TENM2: variants seen among roughly 807,000 people sequenced by gnomAD.
TENM2 encodes teneurin transmembrane protein 2, also known as teneurin-2.
TENM2 carries 52 observed loss-of-function variants against 245.2 expected under a neutral mutation model. The observed-to-expected ratio is 0.21, with a 90% CI of 0.17 to 0.27. The LOEUF (loss-of-function observed/expected upper bound fraction) is 0.27. Ranked by LOEUF, TENM2 falls within the 10% of genes least tolerant of loss-of-function variation. TENM2 has a pLI of 1.00. For synonymous variants in TENM2, 1,363 were observed against 1,438.9 expected, an observed-to-expected ratio of 0.95 and a Z score of 1.19; for missense variants, 3,046 against 3,666.8, an observed-to-expected ratio of 0.83 and a Z score of 4.37.
intron 2 of TENM2, among the ~76,000 whole-genome samples, chr5:167,677,537 T>C (rs1283432205): frequency 6.6e-6 from 1 of 151,906 alleles, no homozygotes; most frequent in East Asian, 1.9e-4. Context: ...TTATGGCATG[T>C]ATTCTGTGTA....
intron 25 of TENM2, among the ~76,000 whole-genome samples, chr5:168,233,724 C>T (rs1196875549): frequency 6.6e-5 from 10 of 152,154 alleles, no homozygotes; most frequent in Admixed American, 5.9e-4. Context: ...ATACCCAAGA[C>T]TGGGAAGAAA....
At chr5:167,080,955 T>C in the TENM2 span, among the ~76,000 whole-genome samples, 1 of 152,082 alleles carries the variant, frequency 6.6e-6, no homozygotes, top group Non-Finnish European at 1.5e-5. Flanking sequence ...GGAGCATTTG[T>C]ATTTTCCTAT....
intron 3 of TENM2, among the ~76,000 whole-genome samples, chr5:167,887,738 G>C (rs1774403520): frequency 6.6e-6 from 1 of 152,224 alleles, no homozygotes; most frequent in Non-Finnish European, 1.5e-5. Flanking sequence ...CATGCGCTTA[G>C]TGTATGGATT....
chr5:167,090,856 A>G, the TENM2 span, among the ~76,000 whole-genome samples: 14 of 146,788 alleles, frequency 9.5e-5, no homozygotes, highest in Admixed American at 9.4e-4. Context: ...TCTAAAATGT[A>G]TATTGGCATT....
At chr5:168,195,909 T>C (rs13180204) in intron 15 of TENM2, among the ~76,000 whole-genome samples, 13,139 of 152,124 alleles carry the variant, frequency 0.086, 700 homozygotes, top group Middle Eastern at 0.14. Flanking sequence ...TCAGCCTCCA[T>C]CAAGATGAAA....
chr5:167,039,614 CA>C, the TENM2 span, among the ~76,000 whole-genome samples: 2 of 150,490 alleles, frequency 1.3e-5, no homozygotes, highest in Admixed American at 6.6e-5. Flanking sequence ...TGTCAATTAA[CA>C]AAAAAAAATG....
chr5:167,115,884 G>A, the TENM2 span, among the ~76,000 whole-genome samples: 3 of 152,124 alleles, frequency 2.0e-5, no homozygotes, highest in Non-Finnish European at 4.4e-5. Flanking sequence ...GACCCTCTAC[G>A]TTTGAAGCCT....
intron 2 of TENM2, among the ~76,000 whole-genome samples, chr5:167,532,322 T>C (rs987875812): frequency 6.6e-6 from 1 of 151,986 alleles, no homozygotes; most frequent in Non-Finnish European, 1.5e-5. Context: ...TATATATATA[T>C]GTATATAAAA....
chr5:167,192,540 C>T, the TENM2 span, among the ~76,000 whole-genome samples: 2 of 151,982 alleles, frequency 1.3e-5, no homozygotes, highest in Non-Finnish European at 2.9e-5. Context: ...TGTAGGATGC[C>T]ATTGTACAAG....
the TENM2 span, among the ~76,000 whole-genome samples, chr5:167,223,898 T>C: frequency 1.3e-5 from 2 of 152,164 alleles, no homozygotes; most frequent in African/African-American, 2.4e-5. Context: ...TAGTGTAAGA[T>C]AATATCTCTT....
At chr5:167,114,537 C>G in the TENM2 span, among the ~76,000 whole-genome samples, 1 of 152,118 alleles carries the variant, frequency 6.6e-6, no homozygotes, top group African/African-American at 2.4e-5. Context: ...CAAGAAGGAA[C>G]AATTATTCAG....
In TENM2 at chr5:167,395,299, T is replaced by C. The variant is rs541720821; in HGVS notation, c.502+19826T>C. ...TCCTTTTCAAATAGTTCAGTGTTAGTGTATAGAAATATTACTAATTTTTGT... is the reference window on the plus strand; with the variant it reads ...TCCTTTTCAAATAGTTCAGTGTTAGCGTATAGAAATATTACTAATTTTTGT... On this transcript the variant is annotated intron_variant, in intron 2 of 28. Transcript: ENST00000518659. Among the ~76,000 whole-genome samples the C allele has an allele frequency of 5.9e-4, 90 of 152,290 alleles. 1 individual carries two copies. Among genetic ancestry groups the C allele is most frequent in the African/African-American group, 2.0e-3 (85 of 41,570 alleles).
At chr5:168,206,588 CG>C (rs1762363067) in intron 19 of TENM2, among the ~76,000 whole-genome samples, 1 of 152,190 alleles carries the variant, frequency 6.6e-6, no homozygotes, top group Non-Finnish European at 1.5e-5. Flanking sequence ...GAAGGACACA[CG>C]TGGGAAGAGG....
intron 2 of TENM2, among the ~76,000 whole-genome samples, chr5:167,597,019 A>C (rs368057800): frequency 6.6e-6 from 1 of 152,092 alleles, no homozygotes; most frequent in Non-Finnish European, 1.5e-5. Flanking sequence ...CGAAAAGTTC[A>C]TGAGCTCAGT....
the TENM2 span, among the ~76,000 whole-genome samples, chr5:166,998,622 A>T: frequency 3.3e-5 from 5 of 152,220 alleles, no homozygotes; most frequent in Non-Finnish European, 7.3e-5. Flanking sequence ...TCAAGAAAAA[A>T]CATTGCTAGA....
At chr5:167,623,187 T>C (rs1215761817) in intron 2 of TENM2, among the ~76,000 whole-genome samples, 1 of 152,026 alleles carries the variant, frequency 6.6e-6, no homozygotes, top group African/African-American at 2.4e-5. Context: ...ATGTAGATCA[T>C]TGAATAAGTC....
chr5:168,177,451 G>A (rs1286502535), intron 13 of TENM2, among the ~76,000 whole-genome samples: 7 of 152,144 alleles, frequency 4.6e-5, no homozygotes, highest in African/African-American at 1.7e-4. Context: ...GCTGACCTGG[G>A]GTTGAACACA....
At chr5:168,090,642 G>A (rs533192089) in exon 8 of TENM2, 42 of 1,613,778 alleles carry the variant, frequency 2.6e-5, no homozygotes, top group Admixed American at 1.5e-4. Context: ...GGGAACGCCG[G>A]AGCATACAGA....
intron 2 of TENM2, among the ~76,000 whole-genome samples, chr5:167,625,513 A>G (rs2127779482): frequency 6.6e-6 from 1 of 152,312 alleles, no homozygotes; most frequent in Middle Eastern, 3.4e-3. Flanking sequence ...GCTGAAGTGT[A>G]TGTGTGATCA....
Sources: gnomAD v4.1 joint callset for allele counts (sites outside exome capture counted in the v4.1 genomes callset) on GRCh38, gnomAD v4.1.1 for gene constraint, MANE v1.5 for transcripts, NCBI Gene and HGNC (gene_info 2026-07-23, HGNC 2026-07-21) for gene names.